The following INSIG2 variants were observed in gnomAD, a reference collection of about 807,000 sequenced individuals.
The protein encoded by INSIG2 is insulin induced gene 2, also known as insulin-induced gene 2 protein.
Under a neutral mutation model 27.2 loss-of-function variants are expected in INSIG2, and 10 were observed. The ratio of observed to expected loss-of-function variants is 0.37; its 90% CI spans 0.23 to 0.62. The LOEUF (loss-of-function observed/expected upper bound fraction) is 0.62. INSIG2 is among the 20% of genes least tolerant of loss of function. The pLI, the probability that INSIG2 is intolerant of heterozygous loss-of-function variation, is 0.65. For synonymous variants in INSIG2, 97 were observed against 95.8 expected, an observed-to-expected ratio of 1.01 and a Z score of -0.07; for missense variants, 178 against 270.2, an observed-to-expected ratio of 0.66 and a Z score of 2.39.
chr2:118,100,664 C>T (rs554656543), intron 2 of INSIG2, among the ~76,000 whole-genome samples: 1 of 152,274 alleles, frequency 6.6e-6, no homozygotes, highest in African/African-American at 2.4e-5. Context: ...AGGTGTGAGC[C>T]ACCACGCCTG....
Position 118,109,901 on chromosome 2 carries a change from G to A in INSIG2, c.*1579G>A, listed in dbSNP as rs1678773384. The A allele has an allele frequency of 6.6e-6, 1 of 152,170 alleles. No homozygotes were observed. Among genetic ancestry groups the A allele is most frequent in the African/African-American group, 2.4e-5 (1 of 41,262 alleles). The allele number at this position is 152,170 out of a possible 1,614,324, so 9.4% of individuals were successfully genotyped here. ...ATGTTATTCATTTAGAACAAATAAG[G>A]TATATTTTTTAGAATCAACTTTGTA... On this transcript the variant is annotated 3_prime_UTR_variant, in exon 6 of 6. Transcript: ENST00000245787.
intron 1 of INSIG2, among the ~76,000 whole-genome samples, chr2:118,092,132 A>G (rs1309247700): frequency 2.0e-5 from 3 of 152,190 alleles, no homozygotes; most frequent in South Asian, 2.1e-4. Flanking sequence ...ACCCCTTTCC[A>G]TTAATTCCCT....
At chr2:118,101,406 A>G (rs573801768) in intron 2 of INSIG2, among the ~76,000 whole-genome samples, 18 of 152,212 alleles carry the variant, frequency 1.2e-4, no homozygotes, top group Non-Finnish European at 2.1e-4. Flanking sequence ...CTGACATCAC[A>G]TGCATAAAAA....
At chr2:118,103,456 A>G (rs1452121960) in intron 3 of INSIG2, 135 bp downstream of exon 3, 7 of 696,862 alleles carry the variant, frequency 1.0e-5, no homozygotes, top group African/African-American at 5.3e-5. Context: ...TGTCAACCAT[A>G]TTGTTGAAAC....
intron 1 of INSIG2, among the ~76,000 whole-genome samples, chr2:118,092,455 T>A (rs773851447): frequency 2.6e-5 from 4 of 152,154 alleles, no homozygotes; most frequent in Non-Finnish European, 2.9e-5. Flanking sequence ...TATCTGAGAG[T>A]GTATTATAGT....
rs556517754 is a variant in INSIG2 at position 118,091,063 on chromosome 2, G to T, written c.-139+2522G>T. Among the ~76,000 whole-genome samples the T allele has an allele frequency of 4.6e-5, 7 of 152,158 alleles. No homozygotes were observed. In the South Asian group the frequency reaches 1.5e-3, roughly 32 times the overall value. On this transcript the variant is annotated intron_variant, in intron 1 of 5. Transcript: ENST00000245787. ...AATATAGATTTTTAAAAAAAATTTTGGAGCATCAAGTTTATCATTAATGTA... is the reference window on the plus strand; with the variant it reads ...AATATAGATTTTTAAAAAAAATTTTTGAGCATCAAGTTTATCATTAATGTA...
At chr2:118,092,250 G>T (rs577534805) in intron 1 of INSIG2, among the ~76,000 whole-genome samples, 1 of 152,310 alleles carries the variant, frequency 6.6e-6, no homozygotes, top group South Asian at 2.1e-4. Context: ...GCAACGTGCT[G>T]TGTCTACTGG....
At position 118,106,932 on chromosome 2, in the gene INSIG2, C is replaced by T. The variant is rs1305746873; in HGVS notation, c.536+29C>T. 2.5e-6 allele frequency: 4 copies of T among 1,607,494 alleles called. No individual in the cohort carries two copies. In the South Asian group the frequency reaches 4.4e-5, roughly 18 times the overall value. On this transcript the variant is annotated intron_variant, in intron 4 of 5. Transcript: ENST00000245787. The stretch of plus-strand genomic sequence containing the variant: ...AGTATTAATCCTTCAATTTTTGGTG[C>T]TTGTTTGCTAGATAAATAAATGATA...
At chr2:118,102,725 C>T (rs376165590) in intron 2 of INSIG2, 1 of 157,786 alleles carries the variant, frequency 6.3e-6, no homozygotes, top group Non-Finnish European at 1.4e-5. Flanking sequence ...GTATGATGAG[C>T]TTGTTGTATA....
At chr2:118,090,578 T>C (rs1443063393) in intron 1 of INSIG2, among the ~76,000 whole-genome samples, 1 of 152,256 alleles carries the variant, frequency 6.6e-6, no homozygotes, top group African/African-American at 2.4e-5. Flanking sequence ...TTCAACTTTT[T>C]TTCTTTTTGT....
At chr2:118,105,041 A>C (rs549405033) in intron 3 of INSIG2, among the ~76,000 whole-genome samples, 1 of 152,174 alleles carries the variant, frequency 6.6e-6, no homozygotes, top group African/African-American at 2.4e-5. Flanking sequence ...ATCATTTGGC[A>C]CTATTTTTTT....
chr2:118,106,627 G>A (rs1678678471), intron 3 of INSIG2, 110 bp from the exon 4 acceptor site: 4 of 796,764 alleles, frequency 5.0e-6, no homozygotes, highest in Non-Finnish European at 8.0e-6. Flanking sequence ...ATGTACTTGA[G>A]TAGAAGCAAT....
At chr2:118,105,905 T>G (rs1678661225) in intron 3 of INSIG2, among the ~76,000 whole-genome samples, 2 of 152,212 alleles carry the variant, frequency 1.3e-5, no homozygotes, top group Admixed American at 1.3e-4. Flanking sequence ...TTGAAATTAA[T>G]TCCTTTAGTG....
At position 118,096,706 on chromosome 2, in the gene INSIG2, G is replaced by A. The variant is rs1469977300; in HGVS notation, c.150G>A (p.Gln50=). Residue 50 remains glutamine (Q), a synonymous_variant, in exon 2 of 6, where the codon CAG becomes CAA. Coordinates refer to ENST00000245787, the MANE Select transcript of INSIG2 (RefSeq NM_016133.4). ...VFLALVLNLL[Q]IQRNVTLFPP... ...TTGCATTAGTGTTAAATTTACTTCA[G>A]ATTCAGAGAAATGTGACGCTCTTTC... is the stretch of plus-strand genomic sequence containing the variant. 5 of 1,614,034 alleles carry A rather than the reference G, an allele frequency of 3.1e-6. No individual in the cohort carries two copies. Among genetic ancestry groups the A allele is most frequent in the African/African-American group, 1.3e-5 (1 of 75,018 alleles).
At chr2:118,099,891 C>T (rs762848905) in intron 2 of INSIG2, among the ~76,000 whole-genome samples, 3 of 152,128 alleles carry the variant, frequency 2.0e-5, no homozygotes, top group Non-Finnish European at 2.9e-5. Context: ...TCTAGTTTTG[C>T]ACCCACCCTT....
intron 2 of INSIG2, among the ~76,000 whole-genome samples, chr2:118,101,073 T>C (rs1017632913): frequency 1.8e-4 from 28 of 152,170 alleles, no homozygotes; most frequent in African/African-American, 6.5e-4. Context: ...ATTTTAACAG[T>C]CTTTCTTGTT....
chr2:118,104,025 T>C (rs1678614503), intron 3 of INSIG2, among the ~76,000 whole-genome samples: 1 of 152,188 alleles, frequency 6.6e-6, no homozygotes, highest in Non-Finnish European at 1.5e-5. Flanking sequence ...TCCTCTTTAT[T>C]TCCTCTCTTG....
In INSIG2 at chr2:118,096,804, T is replaced by C. The variant is rs1175189385; in HGVS notation, c.244+4T>C. 6.2e-7 allele frequency: 1 copy of C among 1,611,058 alleles called. No individual in the cohort carries two copies. The highest frequency in any genetic ancestry group is 1.7e-5 in the Admixed American group (1 of 59,942). ...CCATGCTGTGGCACGGCTTCAGGTA[T>C]GTGTAGGATGTTTCTGTAATGCTTA... On this transcript the variant is annotated splice_donor_region_variant and intron_variant, in intron 2 of 5. Transcript: ENST00000245787.
At chr2:118,100,536 G>A (rs1309317385) in intron 2 of INSIG2, among the ~76,000 whole-genome samples, 3 of 151,700 alleles carry the variant, frequency 2.0e-5, no homozygotes, top group Non-Finnish European at 4.4e-5. Flanking sequence ...CCACCACTAC[G>A]TCCAGCTATT....
Sources: allele counts gnomAD v4.1 joint callset (sites outside exome capture counted in the v4.1 genomes callset), GRCh38; gene constraint gnomAD v4.1.1; transcripts MANE v1.5; gene names NCBI Gene and HGNC (gene_info 2026-07-23, HGNC 2026-07-21).